The following HMBOX1 variants were observed in gnomAD, a reference collection of about 807,000 sequenced individuals.
HMBOX1 encodes homeobox containing 1, also known as homeobox-containing protein 1.
In HMBOX1, 14 loss-of-function variants were observed where a neutral mutation model predicts 54.5. That is an observed-to-expected ratio of 0.26 (90% CI 0.17 to 0.40). The LOEUF is 0.40. Among genes scored for constraint, HMBOX1 ranks in the 10% least tolerant of loss-of-function variants. HMBOX1 has a pLI of 1.00. For missense variants in HMBOX1, 332 were observed against 514.4 expected (o/e 0.65, Z 3.43); for synonymous variants, 160 against 181.0 (o/e 0.88, Z 0.93).
intron 1 of HMBOX1, among the ~76,000 whole-genome samples, chr8:28,909,614 A>G (rs1281795917): frequency 6.6e-6 from 1 of 152,202 alleles, no homozygotes; most frequent in African/African-American, 2.4e-5. Flanking sequence ...GTTGTCTTTC[A>G]CACCAGACAC....
rs553011495 is a variant in HMBOX1 at position 28,906,108 on chromosome 8, C to T, written c.-58+15430C>T. The stretch of plus-strand genomic sequence containing the variant: ...CATTTTAGATACTCTAATGAATTCT[C>T]TAGTAACCAACACCCATTGGGAAAT... On this transcript the variant is annotated intron_variant, in intron 1 of 9. Coordinates refer to ENST00000287701, the MANE Select transcript of HMBOX1 (RefSeq NM_001135726.3). Among the ~76,000 whole-genome samples the T allele has an allele frequency of 7.9e-4, 121 of 152,320 alleles. 3 individuals carry two copies. In the South Asian group the frequency reaches 0.024, roughly 31 times the overall value.
chr8:29,016,140 G>T (rs768300031), intron 5 of HMBOX1, among the ~76,000 whole-genome samples: 1 of 152,040 alleles, frequency 6.6e-6, no homozygotes, highest in Non-Finnish European at 1.5e-5. Flanking sequence ...TAATACAAAA[G>T]ACTGACAAAT....
At chr8:29,009,623 TA>T in intron 5 of HMBOX1, 1 of 1,228,486 alleles carries the variant, frequency 8.1e-7, no homozygotes, top group Non-Finnish European at 1.0e-6. Flanking sequence ...TGATCTCTGC[TA>T]ATGATTTTTT....
chr8:29,046,551 T>C (rs1023957183), intron 7 of HMBOX1: 4 of 152,260 alleles, frequency 2.6e-5, no homozygotes, highest in Non-Finnish European at 4.4e-5. Flanking sequence ...CCAGTTACAG[T>C]AATGGATAGT....
chr8:29,050,725 G>T, intron 9 of HMBOX1: 1 of 374,132 alleles, frequency 2.7e-6, no homozygotes, highest in South Asian at 3.4e-5. Flanking sequence ...ATCAATCACT[G>T]CAGGTTTGAT....
intron 4 of HMBOX1, among the ~76,000 whole-genome samples, chr8:28,989,568 T>C (rs750786107): frequency 6.6e-6 from 1 of 152,238 alleles, no homozygotes; most frequent in Non-Finnish European, 1.5e-5. Context: ...GTTCTGTCAG[T>C]CTTTATGTCT....
chr8:29,016,278 T>A (rs1477731596), intron 5 of HMBOX1, among the ~76,000 whole-genome samples: 1 of 151,974 alleles, frequency 6.6e-6, no homozygotes, highest in African/African-American at 2.4e-5. Flanking sequence ...AATAACCCCC[T>A]AAAAAAGGAA....
Position 29,051,015 on chromosome 8 carries a change from T to G in HMBOX1, c.1126-3T>G. 2 of 1,610,486 alleles carry G rather than the reference T, an allele frequency of 1.2e-6. No homozygotes were observed. The highest frequency in any genetic ancestry group is 1.7e-6 in the Non-Finnish European group (2 of 1,179,026). The stretch of plus-strand genomic sequence containing the variant: ...ATAACATTTCTTATTTCTGCACATC[T>G]AGGATGACAGTACGAGCCATAGTGA... On this transcript the variant is annotated splice_region_variant and splice_polypyrimidine_tract_variant and intron_variant, in intron 9 of 9. Coordinates refer to ENST00000287701, the MANE Select transcript of HMBOX1 (RefSeq NM_001135726.3).
At chr8:28,906,957 G>A (rs1814457899) in intron 1 of HMBOX1, among the ~76,000 whole-genome samples, 1 of 152,198 alleles carries the variant, frequency 6.6e-6, no homozygotes, top group South Asian at 2.1e-4. Context: ...ATGGTAAATT[G>A]CAAGTCAGTT....
chr8:28,963,440 G>A (rs956839425), intron 1 of HMBOX1, among the ~76,000 whole-genome samples: 3 of 152,158 alleles, frequency 2.0e-5, no homozygotes, highest in African/African-American at 7.2e-5. Context: ...ATATAATTCA[G>A]TACTGAATAT....
intron 9 of HMBOX1, 60 bp from the exon 10 acceptor site, chr8:29,050,958 C>G (rs874365): frequency 1.9e-6 from 3 of 1,559,700 alleles, no homozygotes; most frequent in Non-Finnish European, 2.6e-6. Context: ...CAGCATGTCT[C>G]TCTGTGACTA....
At chr8:28,932,277 A>G (rs1259034084) in intron 1 of HMBOX1, among the ~76,000 whole-genome samples, 1 of 152,210 alleles carries the variant, frequency 6.6e-6, no homozygotes, top group Non-Finnish European at 1.5e-5. Flanking sequence ...ATGAGATGGA[A>G]TTTAAATTTT....
chr8:28,913,041 AATATCACC>A (rs1255990579), intron 1 of HMBOX1, among the ~76,000 whole-genome samples: 1 of 152,126 alleles, frequency 6.6e-6, no homozygotes, highest in African/African-American at 2.4e-5. Context: ...TCTGTTTCCA[AATATCACC>A]ATTTCACCAT....
chr8:28,896,567 A>T (rs1348882503), intron 1 of HMBOX1, among the ~76,000 whole-genome samples: 2 of 149,062 alleles, frequency 1.3e-5, no homozygotes, highest in Non-Finnish European at 3.0e-5. Flanking sequence ...GTACATAATG[A>T]TGTTTCAGTC....
At chr8:28,989,542 C>G (rs2132580644) in intron 4 of HMBOX1, among the ~76,000 whole-genome samples, 1 of 152,242 alleles carries the variant, frequency 6.6e-6, no homozygotes, top group East Asian at 1.9e-4. Context: ...AGGTCTGTTT[C>G]TGGGCTTTGT....
chr8:29,001,476 G>A lies in HMBOX1; in HGVS notation c.587-7596G>A, dbSNP rs13439184. 2.3e-3 allele frequency among the ~76,000 whole-genome samples: 348 copies of A among 152,246 alleles called. 2 individuals are homozygous for A. The highest frequency in any genetic ancestry group is 8.0e-3 in the African/African-American group (332 of 41,546). On this transcript the variant is annotated intron_variant, in intron 4 of 9. Coordinates refer to ENST00000287701, the MANE Select transcript of HMBOX1 (RefSeq NM_001135726.3). ...GAGGCAGGAGAATTACTTGTACCTG[G>A]GAGGCAGAGGTTGCAGTGAGCCAAG...
intron 6 of HMBOX1, among the ~76,000 whole-genome samples, chr8:29,039,679 A>G (rs975078475): frequency 6.6e-6 from 1 of 152,118 alleles, no homozygotes; most frequent in Non-Finnish European, 1.5e-5. Context: ...AACCATAGCC[A>G]TCTTCCTCTT....
chr8:28,987,316 T>C (rs1189596736), intron 4 of HMBOX1, among the ~76,000 whole-genome samples: 1 of 152,194 alleles, frequency 6.6e-6, no homozygotes, highest in Admixed American at 6.5e-5. Flanking sequence ...CTTTGATTGT[T>C]GTGTGAAATA....
At chr8:29,042,590 G>A (rs1310336755) in intron 6 of HMBOX1, 6 of 454,866 alleles carry the variant, frequency 1.3e-5, no homozygotes, top group Non-Finnish European at 2.7e-5. Context: ...GTTGAAAAAT[G>A]TGGATTTATT....
Sources: gnomAD v4.1 joint callset for allele counts (sites outside exome capture counted in the v4.1 genomes callset) on GRCh38, gnomAD v4.1.1 for gene constraint, MANE v1.5 for transcripts, NCBI Gene and HGNC (gene_info 2026-07-23, HGNC 2026-07-21) for gene names.